SBK1: variants seen among roughly 807,000 people sequenced by gnomAD.
The protein encoded by SBK1 is SH3 domain binding kinase 1.
In SBK1, 11 loss-of-function variants were observed where a neutral mutation model predicts 24.4. The observed-to-expected ratio is 0.45, with a 90% CI of 0.28 to 0.75. The LOEUF (loss-of-function observed/expected upper bound fraction) is 0.75. Among genes scored for constraint, SBK1 ranks in the 30% least tolerant of loss-of-function variants. SBK1 has a pLI of 0.12. For synonymous variants in SBK1, 308 were observed against 284.4 expected (o/e 1.08, Z -0.83); for missense variants, 467 against 620.5 (o/e 0.75, Z 2.63).
chr16:28,265,530 G>C (rs1012831802), intron 1 of SBK1, among the ~76,000 whole-genome samples: 1 of 151,882 alleles, frequency 6.6e-6, no homozygotes, highest in Non-Finnish European at 1.5e-5. Context: ...CAAGGTTACA[G>C]TGATTGTACC....
At chr16:28,261,307 G>T (rs2044395895) in intron 1 of SBK1, among the ~76,000 whole-genome samples, 1 of 152,102 alleles carries the variant, frequency 6.6e-6, no homozygotes, top group Admixed American at 6.5e-5. Context: ...GAAAGATAGG[G>T]CATCAGGCGG....
chr16:28,264,478 G>A (rs1285475110), intron 1 of SBK1, among the ~76,000 whole-genome samples: 4 of 152,026 alleles, frequency 2.6e-5, no homozygotes, highest in African/African-American at 9.7e-5. Flanking sequence ...GGAGGCTGAG[G>A]CAGGAAAATA....
intron 1 of SBK1, among the ~76,000 whole-genome samples, chr16:28,303,507 C>CTTTTTTTTTTTTTTTTTTTTTTTTTTTT (rs143613970): frequency 4.5e-4 from 26 of 58,080 alleles, no homozygotes; most frequent in South Asian, 9.2e-4. Flanking sequence ...CTTTTCTTTT[C>CTTTTTTTTTTTTTTTTTTTTTTTTTTTT]TTTTTTTTTT....
intron 1 of SBK1, among the ~76,000 whole-genome samples, chr16:28,284,335 T>C (rs1255450466): frequency 6.6e-6 from 1 of 152,272 alleles, no homozygotes; most frequent in African/African-American, 2.4e-5. Context: ...CCCATGCCTG[T>C]GGAGGAGCTG....
chr16:28,321,216 CACACACACACACACACACA>C lies in SBK1; in HGVS notation c.*296_*314del. The C allele has an allele frequency of 5.2e-6, 1 of 190,592 alleles. No homozygotes were observed. Among genetic ancestry groups the C allele is most frequent in the Non-Finnish European group, 1.1e-5 (1 of 94,078 alleles). The allele number at this position is 190,592 out of a possible 1,614,324, so 11.8% of individuals were successfully genotyped here. ...ACACACACACACACACACACACACA[CACACACACACACACACACA>C]CACGCCAGGAGCAAGGGAGCTTTCG... is the stretch of plus-strand genomic sequence containing the variant. On this transcript the variant is annotated 3_prime_UTR_variant, in exon 4 of 4. Transcript: ENST00000341901.
chr16:28,318,607 C>T (rs774760460), intron 2 of SBK1, among the ~76,000 whole-genome samples: 8 of 152,240 alleles, frequency 5.3e-5, no homozygotes. Flanking sequence ...GTTGTGGACA[C>T]ATGCCTTGCA....
chr16:28,301,109 CCCAGCATCCTGCA>C (rs1165901401), intron 1 of SBK1, among the ~76,000 whole-genome samples: 1 of 151,786 alleles, frequency 6.6e-6, no homozygotes, highest in African/African-American at 2.4e-5. Context: ...ACCTACTGTG[CCCAGCATCCTGCA>C]CTCCTGTTGA....
At chr16:28,283,824 C>A (rs1057071816) in intron 1 of SBK1, among the ~76,000 whole-genome samples, 1 of 152,122 alleles carries the variant, frequency 6.6e-6, no homozygotes, top group Non-Finnish European at 1.5e-5. Context: ...GCAGACATGT[C>A]ATTTCCCCAC....
At chr16:28,265,783 G>A (rs2044424264) in intron 1 of SBK1, among the ~76,000 whole-genome samples, 1 of 151,730 alleles carries the variant, frequency 6.6e-6, no homozygotes, top group Non-Finnish European at 1.5e-5. Flanking sequence ...AGACCAGCCT[G>A]GCCAACATGA....
At chr16:28,292,402 G>A (rs1167647897), upstream of SBK1, 5 of 397,210 alleles carry the variant, frequency 1.3e-5, no homozygotes, top group Non-Finnish European at 1.7e-5. Context: ...CGGCGGGTGA[G>A]CGCGCTTGCG....
intron 1 of SBK1, among the ~76,000 whole-genome samples, chr16:28,268,730 T>A (rs1418300800): frequency 6.6e-6 from 1 of 151,526 alleles, no homozygotes; most frequent in African/African-American, 2.4e-5. Flanking sequence ...ACCACTGCAC[T>A]CCAGTCTGGG....
Position 28,317,050 on chromosome 16 carries a change from G to T in SBK1, c.-7-335G>T, listed in dbSNP as rs1028489488. ...ATAAAACCAACGCTTCTGAATGGGA[G>T]TACCCGTGTGAACTCGGTATCTGGC... On this transcript the variant is annotated intron_variant, in intron 1 of 3. Coordinates refer to ENST00000341901, the MANE Select transcript of SBK1 (RefSeq NM_001024401.3). This position sits in a 1 kb window ranked among gnomAD's most constrained non-coding sequence, Gnocchi z 4.2. Among the ~76,000 whole-genome samples the T allele has an allele frequency of 6.6e-6, 1 of 152,202 alleles. No homozygotes were observed. Among genetic ancestry groups the T allele is most frequent in the Non-Finnish European group, 1.5e-5 (1 of 68,038 alleles).
chr16:28,315,141 G>C (rs572623236), intron 1 of SBK1, among the ~76,000 whole-genome samples: 1 of 151,868 alleles, frequency 6.6e-6, no homozygotes, highest in Non-Finnish European at 1.5e-5. Context: ...GTGTGCCTGC[G>C]CCTGGGAAAG....
At position 28,316,465 on chromosome 16, in the gene SBK1, C is replaced by T. The variant is rs750706671; in HGVS notation, c.-7-920C>T. 5.9e-5 allele frequency among the ~76,000 whole-genome samples: 9 copies of T among 152,180 alleles called. 1 individual carries two copies. Among genetic ancestry groups the T allele is most frequent in the East Asian group, 3.9e-4 (2 of 5,184 alleles). On this transcript the variant is annotated intron_variant, in intron 1 of 3. Transcript: ENST00000341901. ...GAGCCCTGGGGAACAGCAGGTGCTT[C>T]GTCAGTACTTGTGAATAAGCTGGGC...
chr16:28,293,243 C>G lies in SBK1; in HGVS notation c.-65C>G, dbSNP rs531216666. ...CCCTGAGCCCCCGGGGCCGGGCAGA[C>G]GAAGACCGCGACGGCGCCCAGGCCC... On this transcript the variant is annotated 5_prime_UTR_variant, in exon 1 of 4. Coordinates refer to ENST00000341901, the MANE Select transcript of SBK1 (RefSeq NM_001024401.3). The G allele has an allele frequency of 4.1e-6, 4 of 985,386 alleles. No homozygotes were observed. In the East Asian group the frequency reaches 3.4e-4, roughly 84 times the overall value. The allele number at this position is 985,386 out of a possible 1,614,324, so 61.0% of individuals were successfully genotyped here.
At chr16:28,287,592 C>CCA, upstream of SBK1, among the ~76,000 whole-genome samples, 1 of 152,294 alleles carries the variant, frequency 6.6e-6, no homozygotes, top group Non-Finnish European at 1.5e-5. Flanking sequence ...TATCCCTAGG[C>CCA]GTCAGGGACA....
intron 1 of SBK1, among the ~76,000 whole-genome samples, chr16:28,274,593 A>G (rs967419802): frequency 1.4e-4 from 22 of 152,266 alleles, no homozygotes; most frequent in Middle Eastern, 3.4e-3. Context: ...CGGAGGTTGC[A>G]GTGAGCCGAG....
chr16:28,259,287 CGA>C lies in SBK1; in HGVS notation c.43_44del (p.Asp15ArgfsTer19), dbSNP rs1567667318. Reference sequence around the variant, plus strand: ...GCGGGCAAGTGCAGAGCCCTGAAGCCGACGGGCTGCTGACCCTGGAGCGCCCT... The same window carrying C: ...GCGGGCAAGTGCAGAGCCCTGAAGCCCGGGCTGCTGACCCTGGAGCGCCCT... On this transcript the variant is annotated frameshift_variant, in exon 1 of 4. Coordinates refer to the SBK1 transcript ENST00000671413. LOFTEE classifies it high-confidence loss of function. The surrounding 1 kb of genome is among the most constrained non-coding windows in gnomAD (Gnocchi z 6.0). 5.9e-6 allele frequency: 1 copy of C among 170,744 alleles called. No individual in the cohort carries two copies. Among genetic ancestry groups the C allele is most frequent in the African/African-American group, 2.4e-5 (1 of 41,806 alleles). 10.6% of individuals were successfully genotyped at this position (170,744 alleles called of 1,614,324 possible).
At chr16:28,267,104 A>G (rs899169114) in intron 1 of SBK1, among the ~76,000 whole-genome samples, 30 of 151,948 alleles carry the variant, frequency 2.0e-4, no homozygotes, top group African/African-American at 7.3e-4. Flanking sequence ...ACACCGTTTC[A>G]CCATGTTGGC....
Sources: allele counts gnomAD v4.1 joint callset (sites outside exome capture counted in the v4.1 genomes callset), GRCh38; gene constraint gnomAD v4.1.1; non-coding constraint Gnocchi (gnomAD v3.1); transcripts MANE v1.5; gene names NCBI Gene and HGNC (gene_info 2026-07-23, HGNC 2026-07-21).